PPFIA1: variants seen among roughly 807,000 people sequenced by gnomAD.
The protein encoded by PPFIA1 is liprin-alpha-1.
Under a neutral mutation model 149.9 loss-of-function variants are expected in PPFIA1, and 25 were observed. That is an observed-to-expected ratio of 0.17 (90% CI 0.12 to 0.23). The LOEUF is 0.23. PPFIA1 is among the 10% of genes least tolerant of loss of function. The pLI, the probability that PPFIA1 is intolerant of heterozygous loss-of-function variation, is 1.00. For synonymous variants in PPFIA1, 549 were observed against 552.8 expected (o/e 0.99, Z 0.10); for missense variants, 1,362 against 1,506.5 (o/e 0.90, Z 1.59).
chr11:70,363,753 GTCC>G (rs2056782274), intron 21 of PPFIA1, among the ~76,000 whole-genome samples: 1 of 152,032 alleles, frequency 6.6e-6, no homozygotes, highest in Non-Finnish European at 1.5e-5. Flanking sequence ...GCCTCCAGTA[GTCC>G]TCCTGCCTCA....
At chr11:70,373,490 A>G (rs1460862497) in intron 23 of PPFIA1, 2 of 152,058 alleles carry the variant, frequency 1.3e-5, no homozygotes, top group African/African-American at 4.8e-5. Flanking sequence ...TGGCCTTCCA[A>G]AGTGTTGGGA....
chr11:70,366,022 T>C, intron 21 of PPFIA1: 2 of 449,208 alleles, frequency 4.5e-6, no homozygotes, highest in Non-Finnish European at 4.4e-6. Flanking sequence ...CAAAAAGCAA[T>C]TGGAGTATGA....
chr11:70,285,916 G>A (rs963047534), intron 2 of PPFIA1, among the ~76,000 whole-genome samples: 4 of 151,882 alleles, frequency 2.6e-5, no homozygotes, highest in East Asian at 3.9e-4. Flanking sequence ...CATTTTTTTC[G>A]TTGTATGAAG....
At chr11:70,379,328 C>T (rs1294840438) in intron 26 of PPFIA1, among the ~76,000 whole-genome samples, 2 of 151,922 alleles carry the variant, frequency 1.3e-5, no homozygotes, top group Non-Finnish European at 2.9e-5. Flanking sequence ...TGTGGTGGCA[C>T]ATGCTTGTAA....
chr11:70,323,105 C>T (rs942244167), intron 2 of PPFIA1, among the ~76,000 whole-genome samples: 1 of 152,226 alleles, frequency 6.6e-6, no homozygotes, highest in Admixed American at 6.5e-5. Flanking sequence ...GCTCTCCCTG[C>T]TGACTAGCCA....
chr11:70,284,355 C>T (rs1186779588), intron 2 of PPFIA1, among the ~76,000 whole-genome samples: 1 of 152,198 alleles, frequency 6.6e-6, no homozygotes, highest in African/African-American at 2.4e-5. Flanking sequence ...CCATTTACAT[C>T]TCTCTTTTGC....
intron 2 of PPFIA1, chr11:70,321,226 G>C (rs1157499296): frequency 3.3e-5 from 5 of 152,568 alleles, no homozygotes; most frequent in African/African-American, 1.2e-4. Context: ...GCCCTCACCA[G>C]ACACCAAATC....
intron 16 of PPFIA1, among the ~76,000 whole-genome samples, chr11:70,349,299 G>A (rs1021692443): frequency 6.6e-6 from 1 of 152,110 alleles, no homozygotes; most frequent in African/African-American, 2.4e-5. Flanking sequence ...TCTGGTGTTT[G>A]GTGTTTGCAA....
intron 7 of PPFIA1, chr11:70,327,809 CAGTG>C (rs1286079005): frequency 6.6e-6 from 1 of 152,066 alleles, no homozygotes; most frequent in Non-Finnish European, 1.5e-5. Context: ...GATCATGAAA[CAGTG>C]AGGCTGAGTG....
intron 16 of PPFIA1, chr11:70,350,989 A>G (rs926708982): frequency 2.1e-5 from 26 of 1,255,788 alleles, no homozygotes; most frequent in African/African-American, 1.7e-4. Flanking sequence ...GCATGCATCT[A>G]TCAGCCTAGT....
intron 14 of PPFIA1, 33 bp downstream of exon 14, chr11:70,339,339 G>C (rs185351417): frequency 1.7e-4 from 278 of 1,595,378 alleles, no homozygotes; most frequent in Non-Finnish European, 1.1e-4. Context: ...CTCTGCTTAC[G>C]TGAAAGTTAC....
chr11:70,271,861 T>G (rs2050118858), intron 1 of PPFIA1: 1 of 127,836 alleles, frequency 7.8e-6, no homozygotes, highest in African/African-American at 3.1e-5. Context: ...GAAGCACACT[T>G]GTTTTCAGCA....
chr11:70,350,420 T>A (rs1037235262), intron 16 of PPFIA1, among the ~76,000 whole-genome samples: 1 of 152,236 alleles, frequency 6.6e-6, no homozygotes, highest in Non-Finnish European at 1.5e-5. Flanking sequence ...CTTATGTGAA[T>A]CATAGGATGG....
Position 70,375,008 on chromosome 11 carries a change from T to G in PPFIA1, c.3230T>G (p.Val1077Gly). The G allele has an allele frequency of 6.2e-7, 1 of 1,613,956 alleles. No individual in the cohort carries two copies. Among genetic ancestry groups the G allele is most frequent in the Non-Finnish European group, 8.5e-7 (1 of 1,179,976 alleles). The change falls in exon 24 of 28, where the codon GTT becomes GGT. Residue 1077 changes from valine (V) to glycine (G), a missense_variant. By Grantham distance (109) the Val-to-Gly change is moderately radical. Transcript: ENST00000253925. ...GCAAACAATCTTATAGAGAGTGGTGTTCACGGAGCACTTCTGGCCTTAGAT... is the reference window on the plus strand; with the variant it reads ...GCAAACAATCTTATAGAGAGTGGTGGTCACGGAGCACTTCTGGCCTTAGAT... ...EYANNLIESG[V>G]HGALLALDET...
At chr11:70,296,008 C>A (rs1012519232) in intron 2 of PPFIA1, among the ~76,000 whole-genome samples, 1 of 134,000 alleles carries the variant, frequency 7.5e-6, no homozygotes, top group African/African-American at 2.9e-5. Flanking sequence ...CAGACGGGGT[C>A]GCGACCGGGC....
At chr11:70,344,323 G>T (rs1041246805) in intron 15 of PPFIA1, among the ~76,000 whole-genome samples, 3 of 152,214 alleles carry the variant, frequency 2.0e-5, no homozygotes, top group Non-Finnish European at 4.4e-5. Context: ...ACGGTGGTGG[G>T]CTGGGAAGAG....
At chr11:70,351,245 G>A (rs952898361) in intron 16 of PPFIA1, among the ~76,000 whole-genome samples, 11 of 152,206 alleles carry the variant, frequency 7.2e-5, no homozygotes, top group African/African-American at 2.7e-4. Context: ...GTAACAGCTT[G>A]CCATTCTCTC....
chr11:70,289,314 A>C (rs1182090762), intron 2 of PPFIA1, among the ~76,000 whole-genome samples: 1 of 152,096 alleles, frequency 6.6e-6, no homozygotes, highest in East Asian at 1.9e-4. Flanking sequence ...AGAGCTAGAA[A>C]AAAATGTTCA....
At chr11:70,285,147 C>T (rs1053164547) in intron 2 of PPFIA1, among the ~76,000 whole-genome samples, 1 of 152,004 alleles carries the variant, frequency 6.6e-6, no homozygotes, top group African/African-American at 2.4e-5. Context: ...GCTGGGATTA[C>T]AGGCGCCCGC....
Sources: gnomAD v4.1 joint callset for allele counts (sites outside exome capture counted in the v4.1 genomes callset) on GRCh38, gnomAD v4.1.1 for gene constraint, MANE v1.5 for transcripts, NCBI Gene and HGNC (gene_info 2026-07-23, HGNC 2026-07-21) for gene names.